Variants in FGFR1 observed in about 807,000 individuals in gnomAD.
FGFR1 encodes the protein fibroblast growth factor receptor 1.
In FGFR1, 18 loss-of-function variants were observed where a neutral mutation model predicts 93.7. That is an observed-to-expected ratio of 0.19 (90% confidence interval 0.13 to 0.28). The LOEUF is 0.28. Among genes scored for constraint, FGFR1 ranks in the 10% least tolerant of loss-of-function variants. FGFR1 has a pLI of 1.00. For synonymous variants in FGFR1, 448 were observed against 429.3 expected, an observed-to-expected ratio of 1.04 and a Z score of -0.54; for missense variants, 731 against 1,080.4, an observed-to-expected ratio of 0.68 and a Z score of 4.53.
intron 13 of FGFR1, among the ~76,000 whole-genome samples, chr8:38,415,663 G>C (rs1388323406): frequency 1.3e-5 from 2 of 152,076 alleles, no homozygotes; most frequent in Admixed American, 6.5e-5. Context: ...ATCGGACCCT[G>C]CATCAGTCTG....
chr8:38,432,156 T>C (rs1219478488), intron 2 of FGFR1, among the ~76,000 whole-genome samples: 1 of 152,092 alleles, frequency 6.6e-6, no homozygotes, highest in Non-Finnish European at 1.5e-5. Context: ...CCCAGGCATT[T>C]ATTTCCCCCC....
At chr8:38,427,571 T>A (rs1054091166) in intron 5 of FGFR1, among the ~76,000 whole-genome samples, 42 of 152,324 alleles carry the variant, frequency 2.8e-4, no homozygotes, top group African/African-American at 1.0e-3. Flanking sequence ...TGAGCCACCA[T>A]GCCCAGCCAA....
chr8:38,445,921 T>C (rs1209937563), intron 2 of FGFR1, among the ~76,000 whole-genome samples: 1 of 152,126 alleles, frequency 6.6e-6, no homozygotes, highest in African/African-American at 2.4e-5. Context: ...CTGACTCTTC[T>C]AAGGTTCAAA....
intron 1 of FGFR1, among the ~76,000 whole-genome samples, chr8:38,460,173 A>G (rs1422417745): frequency 6.6e-6 from 1 of 151,984 alleles, no homozygotes; most frequent in African/African-American, 2.4e-5. Context: ...ACGGAGTGAG[A>G]CTCTGTCTCA....
In FGFR1 at chr8:38,414,780, T is replaced by C. The variant is rs1337818472; in HGVS notation, c.1976A>G (p.Asn659Ser). Reference protein sequence around the residue: ...HHIDYYKKTTNGRLPVKWMAP... With the variant: ...HHIDYYKKTTSGRLPVKWMAP... ...CAGGGCGGCCTTGTCGGCACTCACG[T>C]TGGTTGTCTTTTTATAGTAGTCGAT... is the stretch of plus-strand genomic sequence containing the variant. The change falls in exon 14 of 18, where the codon AAC becomes AGC. Residue 659 changes from asparagine (N) to serine (S), a missense_variant and splice_region_variant. Asn to Ser is a conservative substitution (Grantham distance 46). Around this residue, in one of 10 missense-constraint regions of FGFR1, gnomAD observed 44 missense variants for 99.9 expected, o/e 0.44. Transcript: ENST00000447712. The C allele has an allele frequency of 4.3e-5, 70 of 1,613,738 alleles. No homozygotes were observed. Among genetic ancestry groups the C allele is most frequent in the Non-Finnish European group, 5.9e-5 (70 of 1,179,968 alleles).
chr8:38,416,165 A>AT (rs1816509257), intron 12 of FGFR1, 105 bp from the exon 13 acceptor site: 1 of 923,206 alleles, frequency 1.1e-6, no homozygotes, highest in Non-Finnish European at 1.7e-6. Flanking sequence ...CCAACCTCCC[A>AT]TCTCCTGCCT....
chr8:38,444,051 C>CAAAAAAAA (rs746296068), intron 2 of FGFR1, among the ~76,000 whole-genome samples: 14 of 74,348 alleles, frequency 1.9e-4, no homozygotes, highest in Middle Eastern at 7.4e-3. Flanking sequence ...GAAACTGTCT[C>CAAAAAAAA]AAAAAAAAAA....
intron 1 of FGFR1, 94 bp downstream of exon 1, chr8:38,467,876 CCGGCTGGGCTG>C: frequency 4.4e-6 from 1 of 227,562 alleles, no homozygotes; most frequent in South Asian, 1.8e-4. Flanking sequence ...GGCGCCGGCC[CCGGCTGGGCTG>C]CGGCGGGCAA....
chr8:38,454,415 T>C (rs1832079095), intron 2 of FGFR1, among the ~76,000 whole-genome samples: 1 of 152,176 alleles, frequency 6.6e-6, no homozygotes, highest in Admixed American at 6.5e-5. Flanking sequence ...AATTGGCGGA[T>C]TCAAATCTAA....
intron 2 of FGFR1, among the ~76,000 whole-genome samples, chr8:38,447,188 G>C (rs943589854): frequency 2.0e-5 from 3 of 151,636 alleles, no homozygotes; most frequent in African/African-American, 7.3e-5. Context: ...ACTCCTGTGA[G>C]ACAAAGGGGA....
chr8:38,417,210 C>T (rs940031185), intron 12 of FGFR1, 96 bp downstream of exon 12: 1 of 959,312 alleles, frequency 1.0e-6, no homozygotes, highest in African/African-American at 1.6e-5. Flanking sequence ...TCTTAACCCC[C>T]TTCCCTAGCT....
At chr8:38,431,058 G>A (rs1051403792) in intron 2 of FGFR1, among the ~76,000 whole-genome samples, 5 of 151,992 alleles carry the variant, frequency 3.3e-5, no homozygotes, top group East Asian at 1.9e-4. Flanking sequence ...CCCACATCCC[G>A]CCCACAGCCT....
At chr8:38,467,499 A>T (rs1055187077) in intron 1 of FGFR1, among the ~76,000 whole-genome samples, 4 of 152,154 alleles carry the variant, frequency 2.6e-5, no homozygotes, top group African/African-American at 9.6e-5. Flanking sequence ...CTACCTGCTG[A>T]ATTGGGGGTG....
intron 2 of FGFR1, among the ~76,000 whole-genome samples, chr8:38,442,485 T>C (rs1205854190): frequency 6.6e-6 from 1 of 151,892 alleles, no homozygotes; most frequent in Non-Finnish European, 1.5e-5. Context: ...AGCTGCGACC[T>C]GTCATGCACT....
intron 2 of FGFR1, among the ~76,000 whole-genome samples, chr8:38,436,878 G>C (rs1825649802): frequency 2.0e-5 from 3 of 152,116 alleles, no homozygotes; most frequent in South Asian, 4.1e-4. Context: ...CAAGCCAACA[G>C]GTACAGCATT....
chr8:38,434,158 T>C (rs1036121058), intron 2 of FGFR1, among the ~76,000 whole-genome samples: 2 of 152,310 alleles, frequency 1.3e-5, no homozygotes, highest in South Asian at 2.1e-4. Context: ...CAGTCATCAA[T>C]TGACAGATAT....
chr8:38,458,157 T>C (rs780005360), intron 1 of FGFR1, among the ~76,000 whole-genome samples: 1 of 152,136 alleles, frequency 6.6e-6, no homozygotes, highest in Non-Finnish European at 1.5e-5. Context: ...AAGTCCCAAA[T>C]AGTTCTGCCC....
Position 38,417,484 on chromosome 8 carries a change from G to A in FGFR1, c.1553-68C>T, listed in dbSNP as rs1817091405. The A allele has an allele frequency of 4.5e-6, 6 of 1,339,110 alleles. No individual in the cohort carries two copies. In the Admixed American group the frequency reaches 6.8e-5, roughly 15 times the overall value. The allele number at this position is 1,339,110 out of a possible 1,614,324, so 83.0% of individuals were successfully genotyped here. A position where few individuals can be genotyped will look rare whatever the true frequency, so the allele number is the denominator to read the frequency against. ...AGGGCAGGATAAAGGCTAAGGGAGT[G>A]GGGTATGTGTCGAGGGGCTGCTTTT... On this transcript the variant is annotated intron_variant, in intron 11 of 17. Coordinates refer to ENST00000447712, the MANE Select transcript of FGFR1 (RefSeq NM_023110.3).
At chr8:38,416,112 G>A (rs1156833874) in intron 12 of FGFR1, 52 bp from the exon 13 acceptor site, 1 of 1,534,130 alleles carries the variant, frequency 6.5e-7, no homozygotes, top group South Asian at 1.2e-5. Context: ...GAGCAGGTTT[G>A]GCTTCACCTC....
Sources: gnomAD v4.1 joint callset for allele counts (sites outside exome capture counted in the v4.1 genomes callset) on GRCh38, gnomAD v4.1.1 for gene constraint, gnomAD v4.1.1 regional missense constraint, MANE v1.5 for transcripts, NCBI Gene and HGNC (gene_info 2026-07-23, HGNC 2026-07-21) for gene names.